TMPRSS4: variants seen among roughly 807,000 people sequenced by gnomAD.
TMPRSS4 encodes transmembrane protease serine 4.
In TMPRSS4, 45 loss-of-function variants were observed where a neutral mutation model predicts 56.4. The ratio of observed to expected loss-of-function variants is 0.80; its 90% CI spans 0.63 to 1.02. The LOEUF (loss-of-function observed/expected upper bound fraction) is 1.02, where lower values mean the gene tolerates loss of function less well. Among genes scored for constraint, TMPRSS4 ranks in the 50% least tolerant of loss-of-function variants. The probability of loss-of-function intolerance (pLI) is 0.00; values close to 1 mark genes in which losing one functional copy is unlikely to be tolerated. For missense variants in TMPRSS4, 546 were observed against 556.7 expected (o/e 0.98, Z 0.19); for synonymous variants, 205 against 211.0 (o/e 0.97, Z 0.25).
At chr11:118,081,688 G>A (rs894827289) in intron 1 of TMPRSS4, among the ~76,000 whole-genome samples, 1 of 152,218 alleles carries the variant, frequency 6.6e-6, no homozygotes, top group Admixed American at 6.5e-5. Context: ...CCGCTGGTGC[G>A]GTTGAGCCAA....
chr11:118,093,957 CATTGCACTGAGAATGTTTA>C (rs1355491814), intron 1 of TMPRSS4, among the ~76,000 whole-genome samples: 1 of 152,198 alleles, frequency 6.6e-6, no homozygotes, highest in Non-Finnish European at 1.5e-5. Context: ...TCATCCATGT[CATTGCACTGAGAATGTTTA>C]TTCTTGTCTA....
chr11:118,085,589 T>C (rs1438308940), intron 1 of TMPRSS4, among the ~76,000 whole-genome samples: 1 of 152,224 alleles, frequency 6.6e-6, no homozygotes, highest in Non-Finnish European at 1.5e-5. Flanking sequence ...TTGAACCTTT[T>C]TAAATTAACG....
In TMPRSS4 at chr11:118,115,208, T is replaced by C. The variant is rs1440123529; in HGVS notation, c.1080T>C (p.Asp360=). Residue 360 remains aspartate (D), a synonymous_variant, in exon 11 of 13, where the codon GAT becomes GAC. Transcript: ENST00000437212. ...ACAGCACACGGTGCAATGCAGACGA[T>C]GCGTACCAGGGGGAAGTCACCGAGA... The part of the protein sequence containing the change: ...VIDSTRCNAD[D]AYQGEVTEKM... 2 of 1,612,956 alleles carry C rather than the reference T, an allele frequency of 1.2e-6. No individual in the cohort carries two copies. The highest frequency in any genetic ancestry group is 4.5e-5 in the East Asian group (2 of 44,870).
chr11:118,114,192 C>T (rs886238991), intron 9 of TMPRSS4, among the ~76,000 whole-genome samples: 5 of 152,158 alleles, frequency 3.3e-5, no homozygotes, highest in Non-Finnish European at 4.4e-5. Flanking sequence ...TGGTGTGACC[C>T]CTTTCAGAGA....
At chr11:118,115,522 C>T (rs556771146) in intron 11 of TMPRSS4, 5 of 490,480 alleles carry the variant, frequency 1.0e-5, no homozygotes, top group African/African-American at 3.8e-5. Context: ...CTTTCACATT[C>T]GAAGATGATG....
chr11:118,117,885 G>A lies in TMPRSS4; in HGVS notation c.1303-17G>A, dbSNP rs146553993. 9.9e-6 allele frequency: 16 copies of A among 1,613,688 alleles called. No homozygotes were observed. Among genetic ancestry groups the A allele is most frequent in the Admixed American group, 6.7e-5 (4 of 60,004 alleles). On this transcript the variant is annotated splice_polypyrimidine_tract_variant and intron_variant, in intron 12 of 12. Coordinates refer to ENST00000437212, the MANE Select transcript of TMPRSS4 (RefSeq NM_019894.4). Reference sequence around the variant, plus strand: ...CAGATAATCTGACTTTCTCTTCATCGGTCTCTCTTATTCTAGGCTGAGCTG... The same window carrying A: ...CAGATAATCTGACTTTCTCTTCATCAGTCTCTCTTATTCTAGGCTGAGCTG...
chr11:118,114,788 G>C (rs1000531986), intron 9 of TMPRSS4, 41 bp from the exon 10 acceptor site: 35 of 1,533,084 alleles, frequency 2.3e-5, no homozygotes, highest in Non-Finnish European at 3.1e-5. Flanking sequence ...TAACACTTAT[G>C]ATGAATAAAA....
chr11:118,106,786 G>C (rs57465541), intron 5 of TMPRSS4: 3 of 152,210 alleles, frequency 2.0e-5, no homozygotes, highest in African/African-American at 7.3e-5. Flanking sequence ...ACCCAGCCCC[G>C]TGCATCTTTT....
chr11:118,113,175 C>T lies in TMPRSS4; in HGVS notation c.744-94C>T, dbSNP rs577857765. 1.8e-5 allele frequency: 23 copies of T among 1,307,648 alleles called. No individual in the cohort carries two copies. The African/African-American group carries it at 2.7e-4, about 15-fold the overall frequency. 81.0% of individuals were successfully genotyped at this position (1,307,648 alleles called of 1,614,324 possible). A position where few individuals can be genotyped will look rare whatever the true frequency, so the allele number is the denominator to read the frequency against. On this transcript the variant is annotated intron_variant, in intron 8 of 12. Coordinates refer to ENST00000437212, the MANE Select transcript of TMPRSS4 (RefSeq NM_019894.4). ...TCTTTCCTCCCAAGGCAGTGACATC[C>T]AGCACCCCGATCCCTAGGGCCCTGG...
intron 2 of TMPRSS4, chr11:118,095,123 T>C (rs939500666): frequency 1.4e-5 from 7 of 500,370 alleles, no homozygotes; most frequent in African/African-American, 1.2e-4. Flanking sequence ...CAGTCACTCT[T>C]ATCCTTTCAG....
At chr11:118,109,393 G>C (rs1947167517) in intron 7 of TMPRSS4, among the ~76,000 whole-genome samples, 1 of 152,254 alleles carries the variant, frequency 6.6e-6, no homozygotes, top group Non-Finnish European at 1.5e-5. Context: ...ATCCTTGGTA[G>C]CTGATGACTA....
chr11:118,085,425 A>G (rs1256578581), intron 1 of TMPRSS4, among the ~76,000 whole-genome samples: 1 of 151,826 alleles, frequency 6.6e-6, no homozygotes, highest in African/African-American at 2.4e-5. Context: ...GGGTTTCACT[A>G]TGTTGGCCAG....
intron 3 of TMPRSS4, among the ~76,000 whole-genome samples, chr11:118,102,663 C>T (rs1946772681): frequency 6.6e-6 from 1 of 152,148 alleles, no homozygotes; most frequent in Non-Finnish European, 1.5e-5. Context: ...GAGCCAAGAT[C>T]CCGCCACTGC....
intron 4 of TMPRSS4, 58 bp from the exon 5 acceptor site, chr11:118,104,633 A>T: frequency 6.2e-7 from 1 of 1,612,634 alleles, no homozygotes. Flanking sequence ...ATGAGTTCTG[A>T]GGGGGATGGG....
Position 118,115,632 on chromosome 11 carries a change from C to A in TMPRSS4, c.1152+352C>A, listed in dbSNP as rs182346081. 361 of 208,862 alleles carry A rather than the reference C, an allele frequency of 1.7e-3. 1 individual carries two copies. The highest frequency in any genetic ancestry group is 0.013 in the Middle Eastern group (7 of 534). The allele number at this position is 208,862 out of a possible 1,614,324, so 12.9% of individuals were successfully genotyped here. On this transcript the variant is annotated intron_variant, in intron 11 of 12. Coordinates refer to ENST00000437212, the MANE Select transcript of TMPRSS4 (RefSeq NM_019894.4). ...GTCAGGAATTCAAGACCAGCCTGGCCAACATGGTGAAATCCCATCTCTACT... is the reference window on the plus strand; with the variant it reads ...GTCAGGAATTCAAGACCAGCCTGGCAAACATGGTGAAATCCCATCTCTACT...
intron 4 of TMPRSS4, 152 bp downstream of exon 4, chr11:118,103,405 G>C (rs1252779177): frequency 3.3e-5 from 7 of 209,040 alleles, no homozygotes; most frequent in Non-Finnish European, 7.0e-5. Context: ...GTTGTTTTGA[G>C]GCAGAGTGCT....
chr11:118,088,379 T>C (rs1945727622), intron 1 of TMPRSS4: 1 of 130,556 alleles, frequency 7.7e-6, no homozygotes, highest in Admixed American at 8.3e-5. Flanking sequence ...TATTTGGGTC[T>C]TGGATTAATG....
downstream of TMPRSS4, among the ~76,000 whole-genome samples, chr11:118,122,350 G>A (rs1182918235): frequency 2.0e-5 from 3 of 152,108 alleles, no homozygotes; most frequent in South Asian, 2.1e-4. Flanking sequence ...CAGACAGCAA[G>A]CATTTAATCA....
At chr11:118,125,386 G>A (rs974306215), downstream of TMPRSS4, 6 of 456,336 alleles carry the variant, frequency 1.3e-5, no homozygotes, top group Admixed American at 7.1e-5. Flanking sequence ...CGGTCAGCTC[G>A]GCACACACAT....
Sources: gnomAD v4.1 joint callset for allele counts (sites outside exome capture counted in the v4.1 genomes callset) on GRCh38, gnomAD v4.1.1 for gene constraint, MANE v1.5 for transcripts, NCBI Gene and HGNC (gene_info 2026-07-23, HGNC 2026-07-21) for gene names.